Variants in NDRG1 observed in about 807,000 individuals in gnomAD.
NDRG1 encodes the protein protein NDRG1.
NDRG1 carries 32 observed loss-of-function variants against 56.9 expected under a neutral mutation model. The observed-to-expected ratio is 0.56, with a 90% CI of 0.42 to 0.76. The LOEUF is 0.76. Ranked by LOEUF, NDRG1 falls within the 30% of genes least tolerant of loss-of-function variation. NDRG1 has a pLI of 0.00. For missense variants in NDRG1, 507 were observed against 545.7 expected, an observed-to-expected ratio of 0.93 and a Z score of 0.71; for synonymous variants, 211 against 204.1, an observed-to-expected ratio of 1.03 and a Z score of -0.29.
intron 1 of NDRG1, among the ~76,000 whole-genome samples, chr8:133,295,896 G>A (rs1361998664): frequency 1.3e-5 from 2 of 152,136 alleles, no homozygotes; most frequent in Non-Finnish European, 2.9e-5. Context: ...GGGTGTTCTT[G>A]GATGGGCATA....
chr8:133,253,604 A>G (rs1479124792), intron 9 of NDRG1, among the ~76,000 whole-genome samples: 2 of 152,266 alleles, frequency 1.3e-5, no homozygotes, highest in African/African-American at 4.8e-5. Context: ...ACAGCCCAGA[A>G]CTGGGAACAA....
chr8:133,294,517 T>C (rs1586508841), intron 1 of NDRG1, among the ~76,000 whole-genome samples: 1 of 152,210 alleles, frequency 6.6e-6, no homozygotes. Flanking sequence ...TGGGATTCTC[T>C]GGGGTTGGGT....
At chr8:133,242,101 AG>A (rs1268653248) in intron 14 of NDRG1, 27 bp from the exon 15 acceptor site, 1 of 1,614,068 alleles carries the variant, frequency 6.2e-7, no homozygotes, top group South Asian at 1.1e-5. Context: ...GAGAAAATGC[AG>A]TCAGTTGCTG....
chr8:133,255,973 C>G (rs754812626), intron 8 of NDRG1: 1 of 153,446 alleles, frequency 6.5e-6, no homozygotes, highest in Non-Finnish European at 1.4e-5. Context: ...CAGGACAGAG[C>G]TTCCCAAGAC....
chr8:133,279,090 T>G (rs879074469), intron 3 of NDRG1, among the ~76,000 whole-genome samples: 1 of 152,072 alleles, frequency 6.6e-6, no homozygotes, highest in Non-Finnish European at 1.5e-5. Context: ...GGGTTTCTCC[T>G]TGTTGGCCAG....
chr8:133,237,386 T>C lies in NDRG1; in HGVS notation c.*1492A>G. Reference sequence around the variant, plus strand: ...TCTCACGCCACCTGGAAGGCTGGACTACTTCCTCCTCCCAACTGCGGGGTC... The same window carrying C: ...TCTCACGCCACCTGGAAGGCTGGACCACTTCCTCCTCCCAACTGCGGGGTC... On this transcript the variant is annotated 3_prime_UTR_variant, in exon 16 of 16. Transcript: ENST00000323851. The C allele has an allele frequency of 4.3e-6, 1 of 232,254 alleles. No homozygotes were observed. The highest frequency in any genetic ancestry group is 5.6e-5 in the Admixed American group (1 of 17,760). 14.4% of individuals were successfully genotyped at this position (232,254 alleles called of 1,614,324 possible). A position where few individuals can be genotyped will look rare whatever the true frequency, so the allele number is the denominator to read the frequency against.
At position 133,237,256 on chromosome 8, in the gene NDRG1, A is replaced by C. The variant is rs7825439; in HGVS notation, c.*1622T>G. 0.021 allele frequency: 4,728 copies of C among 229,598 alleles called. 182 individuals are homozygous for C. Among genetic ancestry groups the C allele is most frequent in the African/African-American group, 0.094 (4,249 of 45,176 alleles). 14.2% of individuals were successfully genotyped at this position (229,598 alleles called of 1,614,324 possible). ...TCCTCTGGAAAGACTTGTGCACAAT[A>C]GTTTCCCATCCGTACTCAGCCTCTC... On this transcript the variant is annotated 3_prime_UTR_variant, in exon 16 of 16. Coordinates refer to ENST00000323851, the MANE Select transcript of NDRG1 (RefSeq NM_006096.4).
chr8:133,258,543 C>G (rs1856498767), intron 6 of NDRG1, 117 bp from the exon 7 acceptor site: 1 of 950,878 alleles, frequency 1.1e-6, no homozygotes, highest in Non-Finnish European at 1.7e-6. Flanking sequence ...GAGCATGCTG[C>G]CGTAACTGCC....
intron 1 of NDRG1, among the ~76,000 whole-genome samples, chr8:133,294,535 A>T (rs1449870447): frequency 2.0e-5 from 3 of 152,200 alleles, no homozygotes; most frequent in Non-Finnish European, 2.9e-5. Context: ...GGTCCCAAGG[A>T]AGAACTGCAG....
intron 1 of NDRG1, among the ~76,000 whole-genome samples, chr8:133,295,786 C>T (rs1316713087): frequency 6.6e-6 from 1 of 152,202 alleles, no homozygotes; most frequent in Non-Finnish European, 1.5e-5. Flanking sequence ...ATGTCTACCG[C>T]CCTCCTGCCT....
intron 7 of NDRG1, 58 bp from the exon 8 acceptor site, chr8:133,256,921 T>C: frequency 6.5e-7 from 1 of 1,526,774 alleles, no homozygotes; most frequent in Non-Finnish European, 9.0e-7. Flanking sequence ...CACTAGGAAC[T>C]TTCCAAGGCA....
intron 3 of NDRG1, among the ~76,000 whole-genome samples, chr8:133,266,021 G>A (rs568823705): frequency 1.7e-4 from 26 of 152,376 alleles, no homozygotes; most frequent in African/African-American, 5.5e-4. Flanking sequence ...CCATCAGGCT[G>A]CTGAGACCTG....
intron 3 of NDRG1, among the ~76,000 whole-genome samples, chr8:133,279,936 A>G (rs1857687553): frequency 1.3e-5 from 2 of 152,088 alleles, no homozygotes. Flanking sequence ...CCAGCCCAGC[A>G]TCACACCATT....
chr8:133,246,274 C>T (rs868583836), intron 13 of NDRG1, among the ~76,000 whole-genome samples: 3 of 152,308 alleles, frequency 2.0e-5, no homozygotes, highest in Middle Eastern at 6.8e-3. Flanking sequence ...CTGTGGGACA[C>T]GTCTCTTCTT....
At chr8:133,284,789 CAGTT>C (rs747005859) in intron 1 of NDRG1, 17 of 457,496 alleles carry the variant, frequency 3.7e-5, no homozygotes, top group South Asian at 1.4e-4. Flanking sequence ...TTCAGCCTCA[CAGTT>C]AGCCCTAACA....
chr8:133,269,098 T>C (rs1227485451), intron 3 of NDRG1, among the ~76,000 whole-genome samples: 3 of 152,170 alleles, frequency 2.0e-5, no homozygotes, highest in African/African-American at 7.2e-5. Flanking sequence ...GTCTTCTATG[T>C]TTTCCCAAAG....
chr8:133,280,412 G>T, intron 2 of NDRG1, 145 bp from the exon 3 acceptor site: 1 of 722,230 alleles, frequency 1.4e-6, no homozygotes, highest in Non-Finnish European at 2.3e-6. Flanking sequence ...ACAAAGGCAG[G>T]CTTTCCTTTT....
intron 10 of NDRG1, among the ~76,000 whole-genome samples, chr8:133,250,181 G>A (rs1012030132): frequency 4.6e-5 from 7 of 152,156 alleles, no homozygotes; most frequent in Non-Finnish European, 8.8e-5. Flanking sequence ...CTGAGTGTGC[G>A]ACTGCGTCCC....
intron 9 of NDRG1, among the ~76,000 whole-genome samples, chr8:133,250,958 T>C (rs542209303): frequency 6.7e-6 from 1 of 150,164 alleles, no homozygotes; most frequent in East Asian, 2.0e-4. Context: ...CCTACTTCAC[T>C]AGGTTGTAGG....
Sources: gnomAD v4.1 joint callset for allele counts (sites outside exome capture counted in the v4.1 genomes callset) on GRCh38, gnomAD v4.1.1 for gene constraint, MANE v1.5 for transcripts, NCBI Gene and HGNC (gene_info 2026-07-23, HGNC 2026-07-21) for gene names.